The following PCDHGB7 variants were observed in gnomAD, a reference collection of about 807,000 sequenced individuals.
PCDHGB7 encodes protocadherin gamma-B7.
A neutral mutation model predicts 61.4 loss-of-function variants in PCDHGB7; 37 were observed. The ratio of observed to expected loss-of-function variants is 0.60; its 90% CI spans 0.46 to 0.79. The LOEUF is 0.79. PCDHGB7 is among the 30% of genes least tolerant of loss of function. The pLI is 0.00. For synonymous variants in PCDHGB7, 464 were observed against 503.5 expected (o/e 0.92, Z 1.05); for missense variants, 1,166 against 1,202.5 (o/e 0.97, Z 0.45).
At chr5:141,473,131 A>G (rs1262205483) in intron 1 of PCDHGB7, among the ~76,000 whole-genome samples, 2 of 152,214 alleles carry the variant, frequency 1.3e-5, no homozygotes, top group Admixed American at 6.5e-5. Context: ...TTGGCAAACT[A>G]TATTATCTCT....
chr5:141,465,519 T>C (rs2099104752), intron 1 of PCDHGB7, among the ~76,000 whole-genome samples: 1 of 152,224 alleles, frequency 6.6e-6, no homozygotes, highest in East Asian at 1.9e-4. Context: ...GGAAGGATTC[T>C]GGGGAAGTTT....
At chr5:141,470,736 C>A (rs541510544) in intron 1 of PCDHGB7, among the ~76,000 whole-genome samples, 1 of 152,092 alleles carries the variant, frequency 6.6e-6, no homozygotes, top group Non-Finnish European at 1.5e-5. Context: ...CTTGCTCTGT[C>A]GCCCTGGCTG....
At chr5:141,454,774 G>A (rs1228452126) in intron 1 of PCDHGB7, among the ~76,000 whole-genome samples, 2 of 144,796 alleles carry the variant, frequency 1.4e-5, no homozygotes, top group African/African-American at 2.6e-5. Context: ...TTTTTACAAG[G>A]AAATAATCCT....
At chr5:141,473,750 G>A (rs777343462) in intron 1 of PCDHGB7, among the ~76,000 whole-genome samples, 3 of 152,192 alleles carry the variant, frequency 2.0e-5, no homozygotes, top group Non-Finnish European at 4.4e-5. Context: ...TGAGAACTTG[G>A]ATACTATGCA....
chr5:141,485,444 G>A lies in PCDHGB7; in HGVS notation c.2416-9363G>A. 1 of 1,614,110 alleles carries A rather than the reference G, an allele frequency of 6.2e-7. No individual in the cohort carries two copies. Among genetic ancestry groups the A allele is most frequent in the Non-Finnish European group, 8.5e-7 (1 of 1,180,020 alleles). On this transcript the variant is annotated intron_variant, in intron 1 of 3. Coordinates refer to ENST00000398594, the MANE Select transcript of PCDHGB7 (RefSeq NM_018927.4). This position sits in a 1 kb window ranked among gnomAD's most constrained non-coding sequence, Gnocchi z 5.7. ...AGCCCTGCTCATCAAGAACCCAATC[G>A]ACCGAGAGGCACTGTGTGGGCTCAG...
chr5:141,480,371 C>T (rs1562080299), intron 1 of PCDHGB7, among the ~76,000 whole-genome samples: 1 of 151,908 alleles, frequency 6.6e-6, no homozygotes, highest in African/African-American at 2.4e-5. Flanking sequence ...GCTGTGATTG[C>T]ACCACTACAC....
intron 1 of PCDHGB7, among the ~76,000 whole-genome samples, chr5:141,464,076 C>A (rs561982216): frequency 3.1e-4 from 47 of 152,132 alleles, no homozygotes; most frequent in African/African-American, 9.4e-4. Context: ...GCCAGCCTGG[C>A]CAACATGGTG....
intron 2 of PCDHGB7, among the ~76,000 whole-genome samples, chr5:141,497,212 G>A (rs968445663): frequency 6.6e-6 from 1 of 150,900 alleles, no homozygotes; most frequent in Non-Finnish European, 1.5e-5. Flanking sequence ...AGTGTAATGG[G>A]GGGGGGAAGA....
intron 1 of PCDHGB7, chr5:141,424,504 G>GT (rs892941709): frequency 6.6e-6 from 1 of 152,016 alleles, no homozygotes; most frequent in African/African-American, 2.4e-5. Context: ...TGTATGGAAG[G>GT]TTTTTTAATG....
Position 141,487,845 on chromosome 5 carries a change from A to C in PCDHGB7, c.2416-6962A>C, listed in dbSNP as rs2099667978. ...GGGTCATGCCTATATCTGAGTAAGA[A>C]ATGAAAGTAATTGGTGATCAAGAGC... On this transcript the variant is annotated intron_variant, in intron 1 of 3. Coordinates refer to ENST00000398594, the MANE Select transcript of PCDHGB7 (RefSeq NM_018927.4). The surrounding 1 kb of genome is among the most constrained non-coding windows in gnomAD (Gnocchi z 5.0). 2.9e-6 allele frequency: 3 copies of C among 1,027,382 alleles called. No homozygotes were observed. Among genetic ancestry groups the C allele is most frequent in the Non-Finnish European group, 4.2e-6 (3 of 716,452 alleles). The allele number at this position is 1,027,382 out of a possible 1,614,324, so 63.6% of individuals were successfully genotyped here.
intron 1 of PCDHGB7, chr5:141,441,182 CA>C (rs1434822697): frequency 6.6e-6 from 1 of 152,140 alleles, no homozygotes; most frequent in African/African-American, 2.4e-5. Flanking sequence ...TCTAATTCCA[CA>C]ATGATTCCCA....
intron 1 of PCDHGB7, among the ~76,000 whole-genome samples, chr5:141,482,828 T>G (rs1274498876): frequency 4.4e-5 from 6 of 135,272 alleles, no homozygotes; most frequent in Non-Finnish European, 9.5e-5. Flanking sequence ...TCCTAGCACT[T>G]TGGGAGGCCA....
Position 141,511,451 on chromosome 5 carries a change from A to G in PCDHGB7, c.*278A>G, listed in dbSNP as rs2099883797. On this transcript the variant is annotated 3_prime_UTR_variant, in exon 4 of 4. Coordinates refer to ENST00000398594, the MANE Select transcript of PCDHGB7 (RefSeq NM_018927.4). ...GGGGTTACTGTAGACACCAAGAACC[A>G]TTTGCCACACCCCGTTTAGTTACAG... is the stretch of plus-strand genomic sequence containing the variant. The G allele has an allele frequency of 4.9e-6, 3 of 606,372 alleles. No homozygotes were observed. Among genetic ancestry groups the G allele is most frequent in the Non-Finnish European group, 8.1e-6 (3 of 368,942 alleles). The allele number at this position is 606,372 out of a possible 1,614,324, so 37.6% of individuals were successfully genotyped here.
chr5:141,457,680 G>A lies in PCDHGB7; in HGVS notation c.2416-37127G>A, dbSNP rs866876250. 2.6e-5 allele frequency among the ~76,000 whole-genome samples: 4 copies of A among 152,290 alleles called. No individual in the cohort carries two copies. The South Asian group carries it at 8.3e-4, about 32-fold the overall frequency. On this transcript the variant is annotated intron_variant, in intron 1 of 3. Coordinates refer to ENST00000398594, the MANE Select transcript of PCDHGB7 (RefSeq NM_018927.4). The stretch of plus-strand genomic sequence containing the variant: ...AGCAAGAATGGTTATTTCTACATAG[G>A]ACTTTTGGATTGGCTTTGATGAAAC...
chr5:141,430,234 A>G (rs2097268213), intron 1 of PCDHGB7, among the ~76,000 whole-genome samples: 1 of 130,034 alleles, frequency 7.7e-6, no homozygotes, highest in South Asian at 2.4e-4. Flanking sequence ...TGTCAAAAAG[A>G]GAAACTCCTA....
At chr5:141,438,591 C>CATACATAT (rs1228520343) in intron 1 of PCDHGB7, among the ~76,000 whole-genome samples, 2 of 75,562 alleles carry the variant, frequency 2.6e-5, no homozygotes, top group African/African-American at 4.5e-5. Context: ...TACATACATA[C>CATACATAT]ATATATATAT....
chr5:141,426,754 T>C, intron 1 of PCDHGB7: 1 of 456,314 alleles, frequency 2.2e-6, no homozygotes, highest in Non-Finnish European at 4.4e-6. Context: ...GAATCTGCTA[T>C]AGATGCAGAT....
At chr5:141,494,232 A>T (rs2099752983) in intron 1 of PCDHGB7, among the ~76,000 whole-genome samples, 1 of 152,168 alleles carries the variant, frequency 6.6e-6, no homozygotes, top group African/African-American at 2.4e-5. Flanking sequence ...TCCTAAATTA[A>T]TAATGTATTT....
chr5:141,419,926 G>A lies in PCDHGB7; in HGVS notation c.2067G>A (p.Gln689=). 3 of 1,614,096 alleles carry A rather than the reference G, an allele frequency of 1.9e-6. No homozygotes were observed. In the South Asian group the frequency reaches 3.3e-5, roughly 18 times the overall value. The change falls in exon 1 of 4, where the codon CAG becomes CAA. Residue 689 remains glutamine, a synonymous_variant. Transcript: ENST00000398594. ...PTPSDSQAEM[Q]FYLVVALALI... ...CCTCTGACTCCCAGGCTGAGATGCA[G>A]TTTTACCTGGTGGTGGCCTTGGCCT... is the stretch of plus-strand genomic sequence containing the variant.
Sources: allele counts gnomAD v4.1 joint callset (sites outside exome capture counted in the v4.1 genomes callset), GRCh38; gene constraint gnomAD v4.1.1; non-coding constraint Gnocchi (gnomAD v3.1); transcripts MANE v1.5; gene names NCBI Gene and HGNC (gene_info 2026-07-23, HGNC 2026-07-21).